Variants in RELN observed in about 807,000 individuals in gnomAD.
The protein encoded by RELN is reelin.
A neutral mutation model predicts 427.6 loss-of-function variants in RELN; 108 were observed. That is an observed-to-expected ratio of 0.25 (90% CI 0.22 to 0.30). The LOEUF (loss-of-function observed/expected upper bound fraction) is 0.30. Ranked by LOEUF, RELN falls within the 10% of genes least tolerant of loss-of-function variation. RELN has a pLI of 1.00. For missense variants in RELN, 3,715 were observed against 4,302.8 expected, an observed-to-expected ratio of 0.86 and a Z score of 3.82; for synonymous variants, 1,524 against 1,513.4, an observed-to-expected ratio of 1.01 and a Z score of -0.16.
At chr7:103,673,100 A>G (rs895342610) in intron 11 of RELN, among the ~76,000 whole-genome samples, 2 of 152,060 alleles carry the variant, frequency 1.3e-5, no homozygotes, top group Non-Finnish European at 2.9e-5. Context: ...AGTGAATATA[A>G]CTCACTCTAA....
chr7:103,492,151 G>T, intron 57 of RELN, 125 bp from the exon 58 acceptor site: 1 of 758,932 alleles, frequency 1.3e-6, no homozygotes, highest in Non-Finnish European at 2.3e-6. Context: ...TTATAGAGCA[G>T]CCTGCTGGGA....
At chr7:103,874,889 T>C (rs62482297) in intron 2 of RELN, among the ~76,000 whole-genome samples, 3,892 of 126,342 alleles carry the variant, frequency 0.031, 60 homozygotes, top group East Asian at 0.066. Flanking sequence ...AAAAAGAGCC[T>C]GCATTGCCAA....
chr7:103,561,518 T>C lies in RELN; in HGVS notation c.5529+14A>G. ...GTAGTAATGTTGGGAAGGAGAATCTTATCTGTATCTGACCCCTTTAAAAAT... is the reference window on the plus strand; with the variant it reads ...GTAGTAATGTTGGGAAGGAGAATCTCATCTGTATCTGACCCCTTTAAAAAT... On this transcript the variant is annotated intron_variant, in intron 36 of 64. Transcript: ENST00000428762. 1.9e-6 allele frequency: 3 copies of C among 1,596,278 alleles called. No individual in the cohort carries two copies. Among genetic ancestry groups the C allele is most frequent in the South Asian group, 1.1e-5 (1 of 90,678 alleles).
intron 2 of RELN, among the ~76,000 whole-genome samples, chr7:103,905,855 C>A (rs558360388): frequency 6.6e-6 from 1 of 152,112 alleles, no homozygotes; most frequent in East Asian, 1.9e-4. Flanking sequence ...GTGGAGAATT[C>A]CACGGAGGTA....
intron 45 of RELN, 39 bp downstream of exon 45, chr7:103,539,039 C>T (rs538034191): frequency 6.2e-6 from 10 of 1,611,936 alleles, no homozygotes; most frequent in Middle Eastern, 1.7e-4. Context: ...AAGCTCATGC[C>T]CACATGCCTG....
chr7:103,677,311 G>A (rs1170686054), intron 11 of RELN, among the ~76,000 whole-genome samples: 2 of 150,848 alleles, frequency 1.3e-5, no homozygotes, highest in Admixed American at 6.6e-5. Context: ...ACCTAATGTA[G>A]GTGATGGGTT....
chr7:103,608,675 G>A (rs913322633), intron 22 of RELN, among the ~76,000 whole-genome samples: 6 of 152,058 alleles, frequency 3.9e-5, no homozygotes, highest in African/African-American at 1.4e-4. Context: ...GAATTTAAAC[G>A]CTTATGGGTT....
chr7:103,593,608 G>C, intron 27 of RELN, 74 bp downstream of exon 27: 1 of 1,292,458 alleles, frequency 7.7e-7, no homozygotes, highest in South Asian at 1.2e-5. Context: ...TGTGTTCTTT[G>C]TGAGTTCCAC....
At chr7:103,524,102 A>G (rs1300904214) in intron 46 of RELN, among the ~76,000 whole-genome samples, 1 of 152,232 alleles carries the variant, frequency 6.6e-6, no homozygotes, top group Non-Finnish European at 1.5e-5. Context: ...ACAGACAGTC[A>G]GAAACAAAAA....
At chr7:103,630,302 T>A (rs1832424052) in intron 19 of RELN, 126 bp from the exon 20 acceptor site, 1 of 699,014 alleles carries the variant, frequency 1.4e-6, no homozygotes, top group Admixed American at 2.6e-5. Context: ...TTATAAACAT[T>A]TTTTTTTGAG....
intron 6 of RELN, among the ~76,000 whole-genome samples, chr7:103,734,030 A>T (rs1349171716): frequency 6.6e-6 from 1 of 152,156 alleles, no homozygotes; most frequent in Non-Finnish European, 1.5e-5. Context: ...AAGAACTAGG[A>T]TTTCATTTGC....
At chr7:103,810,561 A>G (rs1272773733) in intron 3 of RELN, among the ~76,000 whole-genome samples, 10 of 152,166 alleles carry the variant, frequency 6.6e-5, no homozygotes, top group Non-Finnish European at 1.5e-4. Context: ...ACAGGACTAC[A>G]CAGCAGGCCA....
intron 7 of RELN, 25 bp from the exon 8 acceptor site, chr7:103,723,216 A>G (rs1378804459): frequency 7.0e-7 from 1 of 1,432,564 alleles, no homozygotes; most frequent in Non-Finnish European, 9.8e-7. Flanking sequence ...ATACATAAAA[A>G]TAAGACAAGA....
At chr7:103,593,970 ATG>A in intron 26 of RELN, 88 bp from the exon 27 acceptor site, 2 of 1,008,952 alleles carry the variant, frequency 2.0e-6, no homozygotes, top group Non-Finnish European at 3.0e-6. Context: ...ATGCTGGGCC[ATG>A]TACCATTTGC....
In RELN at chr7:103,989,095, C is replaced by T; in HGVS notation, c.226+36G>A. The T allele has an allele frequency of 1.3e-6, 2 of 1,588,988 alleles. No homozygotes were observed. The highest frequency in any genetic ancestry group is 1.1e-5 in the South Asian group (1 of 90,482). ...AGAAAGGTGCGCTGGCGGGCGCACC[C>T]GGCGGCGGCGAGCGCGGAGGTGCTG... On this transcript the variant is annotated intron_variant, in intron 1 of 64. Transcript: ENST00000428762. The surrounding 1 kb of genome is among the most constrained non-coding windows in gnomAD (Gnocchi z 4.9).
intron 6 of RELN, among the ~76,000 whole-genome samples, chr7:103,733,812 G>T (rs950701876): frequency 1.3e-5 from 2 of 151,112 alleles, no homozygotes; most frequent in Admixed American, 6.6e-5. Flanking sequence ...AGTGGGGAGG[G>T]ATAGCATTGG....
intron 1 of RELN, among the ~76,000 whole-genome samples, chr7:103,928,116 A>T (rs1462609433): frequency 6.6e-6 from 1 of 152,230 alleles, no homozygotes; most frequent in Non-Finnish European, 1.5e-5. Flanking sequence ...TTATAAACAT[A>T]TATCTTGCTC....
chr7:103,634,525 A>G (rs186677466), intron 19 of RELN, among the ~76,000 whole-genome samples: 51 of 152,276 alleles, frequency 3.3e-4, no homozygotes, highest in African/African-American at 1.1e-3. Context: ...AGCTTCAAGT[A>G]AGACTTAAAT....
intron 28 of RELN, among the ~76,000 whole-genome samples, chr7:103,588,636 T>C (rs1399963605): frequency 6.6e-6 from 1 of 152,182 alleles, no homozygotes; most frequent in African/African-American, 2.4e-5. Flanking sequence ...TAGTTATTAT[T>C]GGTGCTATGA....
Sources: allele counts gnomAD v4.1 joint callset (sites outside exome capture counted in the v4.1 genomes callset), GRCh38; gene constraint gnomAD v4.1.1; non-coding constraint Gnocchi (gnomAD v3.1); transcripts MANE v1.5; gene names NCBI Gene and HGNC (gene_info 2026-07-23, HGNC 2026-07-21).